The following NEDD9 variants were observed in gnomAD, a reference collection of about 807,000 sequenced individuals.
NEDD9 encodes the protein enhancer of filamentation 1.
NEDD9 carries 26 observed loss-of-function variants against 76.6 expected under a neutral mutation model. The observed-to-expected ratio is 0.34, with a 90% CI of 0.25 to 0.47. The LOEUF is 0.47. Among genes scored for constraint, NEDD9 ranks in the 20% least tolerant of loss-of-function variants. The pLI, the probability that NEDD9 is intolerant of heterozygous loss-of-function variation, is 1.00. For synonymous variants in NEDD9, 392 were observed against 414.2 expected (o/e 0.95, Z 0.65); for missense variants, 937 against 1,058.5 (o/e 0.89, Z 1.59).
At chr6:11,320,836 A>G (rs1349013743) in intron 2 of NEDD9, among the ~76,000 whole-genome samples, 1 of 152,162 alleles carries the variant, frequency 6.6e-6, no homozygotes, top group Non-Finnish European at 1.5e-5. Flanking sequence ...CATCTATTCA[A>G]ATGTGCTTTC....
At chr6:11,368,669 C>T (rs1762809026) in intron 1 of NEDD9, among the ~76,000 whole-genome samples, 1 of 152,228 alleles carries the variant, frequency 6.6e-6, no homozygotes, top group South Asian at 2.1e-4. Context: ...TGTTTATCAT[C>T]TAGTCATGAA....
At position 11,198,469 on chromosome 6, in the gene NEDD9, TTTAA is replaced by T. The variant is rs1249977543; in HGVS notation, c.460-4781_460-4778del. On this transcript the variant is annotated intron_variant, in intron 2 of 6. Coordinates refer to ENST00000379446, the MANE Select transcript of NEDD9 (RefSeq NM_006403.4). This position sits in a 1 kb window ranked among gnomAD's most constrained non-coding sequence, Gnocchi z 4.7. ...CTTCTTTCTTTCCTCATATTCAAACTTTAATTGATTTTCAAGGCCCGGCTGAATG... is the reference window on the plus strand; with the variant it reads ...CTTCTTTCTTTCCTCATATTCAAACTTTGATTTTCAAGGCCCGGCTGAATG... 1.3e-5 allele frequency: 2 copies of T among 152,228 alleles called. No individual in the cohort carries two copies. The highest frequency in any genetic ancestry group is 2.9e-5 in the Non-Finnish European group (2 of 68,102). 9.4% of individuals were successfully genotyped at this position (152,228 alleles called of 1,614,324 possible).
At chr6:11,247,818 T>A (rs1459247116) in intron 3 of NEDD9, among the ~76,000 whole-genome samples, 1 of 152,152 alleles carries the variant, frequency 6.6e-6, no homozygotes, top group Non-Finnish European at 1.5e-5. Flanking sequence ...CATGGAGTGA[T>A]AACAGCCAAA....
chr6:11,269,325 T>G (rs1484122995), intron 3 of NEDD9, among the ~76,000 whole-genome samples: 1 of 152,264 alleles, frequency 6.6e-6, no homozygotes, highest in East Asian at 1.9e-4. Context: ...TGCTATTTGT[T>G]TTGGTTTTCT....
rs185127381 is a variant in NEDD9, at chr6:11,312,394, G to A, written c.-152-6239C>T. On this transcript the variant is annotated intron_variant, in intron 2 of 3. Transcript: ENST00000397378. ...CCCATGGCTTTCAAGATGTCCTCTC[G>A]ACGATGCCTCCTGCAGTGCTCTTGT... is the stretch of plus-strand genomic sequence containing the variant. Among the ~76,000 whole-genome samples, 405 of 151,430 alleles carry A rather than the reference G, an allele frequency of 2.7e-3. 10 individuals carry two copies. Among genetic ancestry groups the A allele is most frequent in the Admixed American group, 0.022 (337 of 15,044 alleles).
intron 3 of NEDD9, among the ~76,000 whole-genome samples, chr6:11,267,402 C>T (rs1455885224): frequency 6.6e-6 from 1 of 151,050 alleles, no homozygotes; most frequent in Non-Finnish European, 1.5e-5. Context: ...AAAAAAACCA[C>T]CACTTCCTTG....
At chr6:11,274,629 G>A (rs886147758) in intron 3 of NEDD9, among the ~76,000 whole-genome samples, 1 of 152,308 alleles carries the variant, frequency 6.6e-6, no homozygotes, top group Admixed American at 6.5e-5. Context: ...GTACCAAGCT[G>A]AATAATACCT....
intron 3 of NEDD9, among the ~76,000 whole-genome samples, chr6:11,247,806 A>T (rs573484732): frequency 6.6e-6 from 1 of 152,366 alleles, no homozygotes; most frequent in East Asian, 1.9e-4. Context: ...CATGCAAGGG[A>T]ACATGGAGTG....
chr6:11,374,975 C>T (rs1018874904), intron 1 of NEDD9, among the ~76,000 whole-genome samples: 1 of 152,146 alleles, frequency 6.6e-6, no homozygotes, highest in Non-Finnish European at 1.5e-5. Context: ...ATTTAAGACC[C>T]CTTCCCTCCT....
intron 2 of NEDD9, among the ~76,000 whole-genome samples, chr6:11,308,193 G>A (rs1761248671): frequency 6.6e-6 from 1 of 151,990 alleles, no homozygotes; most frequent in Non-Finnish European, 1.5e-5. Context: ...TGGGTTATGG[G>A]ATGGAGCAGG....
chr6:11,296,609 C>T (rs1006359086), intron 3 of NEDD9, among the ~76,000 whole-genome samples: 4 of 150,586 alleles, frequency 2.7e-5, no homozygotes, highest in East Asian at 3.9e-4. Flanking sequence ...GGCAAAATTT[C>T]CTTCCTTCCT....
chr6:11,367,928 A>T (rs562937640), intron 1 of NEDD9, among the ~76,000 whole-genome samples: 2 of 152,310 alleles, frequency 1.3e-5, no homozygotes, highest in Admixed American at 6.5e-5. Flanking sequence ...AACTCTCGGG[A>T]TTGTATGAGA....
Position 11,342,732 on chromosome 6 carries a change from A to G in NEDD9, c.-213-8171T>C, listed in dbSNP as rs913844872. Reference sequence around the variant, plus strand: ...AGAAACCACACAAAGAATGAAGAGTAATAGAAACAATAAGTAACTGAGTAA... The same window carrying G: ...AGAAACCACACAAAGAATGAAGAGTGATAGAAACAATAAGTAACTGAGTAA... On this transcript the variant is annotated intron_variant, in intron 1 of 3. Coordinates refer to the NEDD9 transcript ENST00000397378. Among the ~76,000 whole-genome samples the G allele has an allele frequency of 1.4e-3, 208 of 152,320 alleles. 2 individuals carry two copies. The highest frequency in any genetic ancestry group is 2.8e-4 in the Non-Finnish European group (19 of 68,028).
chr6:11,306,369 G>A (rs926363167), intron 2 of NEDD9, among the ~76,000 whole-genome samples: 2 of 152,154 alleles, frequency 1.3e-5, no homozygotes, highest in African/African-American at 4.8e-5. Context: ...ATAAAATATA[G>A]TCCTGTCCTC....
At chr6:11,376,128 CT>C (rs1157175347) in intron 1 of NEDD9, among the ~76,000 whole-genome samples, 1 of 152,160 alleles carries the variant, frequency 6.6e-6, no homozygotes, top group Non-Finnish European at 1.5e-5. Context: ...CCGGTCCCCA[CT>C]TTTTTTCTTT....
chr6:11,341,865 A>G (rs963972738), intron 1 of NEDD9, among the ~76,000 whole-genome samples: 5 of 152,244 alleles, frequency 3.3e-5, no homozygotes, highest in South Asian at 2.1e-4. Context: ...AAGATGGACC[A>G]AATGTTGGAT....
intron 2 of NEDD9, among the ~76,000 whole-genome samples, chr6:11,309,615 A>G (rs530830668): frequency 6.6e-6 from 1 of 152,368 alleles, no homozygotes; most frequent in East Asian, 1.9e-4. Flanking sequence ...ATTCTCATCA[A>G]CAAGGTATAA....
intron 1 of NEDD9, among the ~76,000 whole-genome samples, chr6:11,229,948 C>A (rs1159888659): frequency 2.0e-5 from 3 of 152,126 alleles, no homozygotes; most frequent in Admixed American, 1.3e-4. Flanking sequence ...GCAGCCAAAC[C>A]AGATAATCAG....
intron 3 of NEDD9, among the ~76,000 whole-genome samples, chr6:11,299,698 G>A (rs1341989841): frequency 3.9e-5 from 6 of 152,212 alleles, no homozygotes; most frequent in East Asian, 1.9e-4. Flanking sequence ...TGCAGCCTCC[G>A]CTGGTGATAC....
Sources: gnomAD v4.1 joint callset for allele counts (sites outside exome capture counted in the v4.1 genomes callset) on GRCh38, gnomAD v4.1.1 for gene constraint, Gnocchi (gnomAD v3.1) non-coding constraint, MANE v1.5 for transcripts, NCBI Gene and HGNC (gene_info 2026-07-23, HGNC 2026-07-21) for gene names.